The following ERICH1 variants were observed in gnomAD, a reference collection of about 807,000 sequenced individuals.
ERICH1 encodes glutamate rich 1.
Under a neutral mutation model 39.6 loss-of-function variants are expected in ERICH1, and 56 were observed. The observed-to-expected ratio is 1.41, with a 90% CI of 1.14 to 1.77. The LOEUF (loss-of-function observed/expected upper bound fraction) is 1.77. Ranked by LOEUF, ERICH1 falls within the 40% of genes most tolerant of loss-of-function variation. The pLI is 0.00. For missense variants in ERICH1, 826 were observed against 575.4 expected (o/e 1.44, Z -4.45); for synonymous variants, 313 against 223.6 (o/e 1.40, Z -3.57).
At chr8:685,391 A>C (rs1022687465) in intron 3 of ERICH1, among the ~76,000 whole-genome samples, 13 of 152,192 alleles carry the variant, frequency 8.5e-5, no homozygotes, top group Non-Finnish European at 4.4e-5. Flanking sequence ...TATTGTTCAA[A>C]CACACATGCT....
chr8:617,969 G>C (rs1199344460), intron 3 of ERICH1, among the ~76,000 whole-genome samples: 1 of 144,508 alleles, frequency 6.9e-6, no homozygotes, highest in Non-Finnish European at 1.5e-5. Context: ...TGAGTGCTGG[G>C]TGCTCAGTCT....
At chr8:660,917 G>C (rs1010892700), downstream of ERICH1, among the ~76,000 whole-genome samples, 46 of 152,164 alleles carry the variant, frequency 3.0e-4, no homozygotes, top group African/African-American at 1.1e-3. Flanking sequence ...TCCTCCGCTG[G>C]GTCCTGGGCG....
At chr8:699,682 T>TGCACAGACTCACACAGGC (rs1349500999) in intron 2 of ERICH1, among the ~76,000 whole-genome samples, 1 of 138,396 alleles carries the variant, frequency 7.2e-6, no homozygotes, top group Non-Finnish European at 1.6e-5. Context: ...CCCGCACACG[T>TGCACAGACTCACACAGGC]GCACAGACTC....
At chr8:666,172 A>G (rs1264066935) in intron 5 of ERICH1, 2 of 152,210 alleles carry the variant, frequency 1.3e-5, no homozygotes, top group East Asian at 1.9e-4. Context: ...TGATTTTAAT[A>G]TAAGAAACCA....
chr8:629,564 T>C (rs1345579254), intron 3 of ERICH1, among the ~76,000 whole-genome samples: 1 of 146,414 alleles, frequency 6.8e-6, no homozygotes, highest in African/African-American at 2.6e-5. Flanking sequence ...CGGACAGAGC[T>C]GACTCACACC....
intron 3 of ERICH1, among the ~76,000 whole-genome samples, chr8:622,983 T>G (rs991097254): frequency 6.6e-6 from 1 of 151,040 alleles, no homozygotes; most frequent in Non-Finnish European, 1.5e-5. Context: ...AATAAATAAA[T>G]AAAACATCAA....
At chr8:642,092 TG>T (rs1402715611) in intron 3 of ERICH1, among the ~76,000 whole-genome samples, 1 of 152,212 alleles carries the variant, frequency 6.6e-6, no homozygotes, top group African/African-American at 2.4e-5. Context: ...GGCCCAGAGA[TG>T]ATTTCACTTT....
At chr8:692,433 C>T (rs1461909493) in intron 3 of ERICH1, 45 bp downstream of exon 3, 4 of 1,612,364 alleles carry the variant, frequency 2.5e-6, no homozygotes, top group South Asian at 2.2e-5. Flanking sequence ...GAAATACGAG[C>T]TTATCTGCAA....
intron 3 of ERICH1, among the ~76,000 whole-genome samples, chr8:634,366 C>A (rs1042980971): frequency 3.3e-5 from 5 of 151,714 alleles, no homozygotes; most frequent in Non-Finnish European, 7.4e-5. Context: ...TTGGAACCCT[C>A]GTGCACTGTT....
rs774189143 is a variant in ERICH1, at chr8:673,947, T to G, written c.405A>C (p.Glu135Asp). The change falls in exon 4 of 6, where the codon GAA becomes GAC. Residue 135 changes from glutamate to aspartate, a missense_variant. Physicochemically the swap from Glu to Asp is conservative, Grantham distance 45. Coordinates refer to ENST00000262109, the MANE Select transcript of ERICH1 (RefSeq NM_207332.3). ...GTAACAGACTCTGCTGTTTCTCTAA[T>G]TCTGCTTGTTCTATAAGAACATTAT... ...NPNNVLIEQA[E>D]LEKQQSLLQE... 6.2e-7 allele frequency: 1 copy of G among 1,610,544 alleles called. No individual in the cohort carries two copies.
chr8:625,147 T>C (rs756871375), intron 3 of ERICH1, among the ~76,000 whole-genome samples: 1 of 152,160 alleles, frequency 6.6e-6, no homozygotes, highest in Non-Finnish European at 1.5e-5. Flanking sequence ...GAGATTACAA[T>C]TCTACATGAG....
intron 3 of ERICH1, among the ~76,000 whole-genome samples, chr8:685,410 A>T (rs887183629): frequency 6.6e-6 from 1 of 152,194 alleles, no homozygotes; most frequent in African/African-American, 2.4e-5. Context: ...CTTTACGAAC[A>T]ATTTGTGCAG....
rs139631603 is a variant in ERICH1, at chr8:683,834, G to C, written c.304+8644C>G. 3.9e-3 allele frequency among the ~76,000 whole-genome samples: 587 copies of C among 152,264 alleles called. 8 individuals carry two copies. Among genetic ancestry groups the C allele is most frequent in the African/African-American group, 0.013 (545 of 41,538 alleles). On this transcript the variant is annotated intron_variant, in intron 3 of 5. Transcript: ENST00000262109. ...CCGCTAAGCTAAACGTCTGCCTTCT[G>C]AATACTTACTAAACATGTGGCCAAA...
chr8:658,864 C>A (rs1703924), intron 3 of ERICH1, among the ~76,000 whole-genome samples: 66 of 152,160 alleles, frequency 4.3e-4, no homozygotes, highest in Non-Finnish European at 8.1e-4. Flanking sequence ...GGCTCCTCCC[C>A]AATTCCTCCC....
intron 3 of ERICH1, among the ~76,000 whole-genome samples, chr8:674,805 A>G (rs1212703831): frequency 6.6e-6 from 1 of 152,238 alleles, no homozygotes; most frequent in African/African-American, 2.4e-5. Context: ...ACACGAAGCT[A>G]AGCTGGACTC....
chr8:652,467 T>C (rs978323927), intron 3 of ERICH1, among the ~76,000 whole-genome samples: 3 of 152,192 alleles, frequency 2.0e-5, no homozygotes, highest in Non-Finnish European at 4.4e-5. Flanking sequence ...GGAGTTGATA[T>C]CACATAAAGT....
intron 2 of ERICH1, among the ~76,000 whole-genome samples, chr8:702,892 T>C (rs962829457): frequency 1.3e-5 from 2 of 152,142 alleles, no homozygotes; most frequent in Non-Finnish European, 2.9e-5. Flanking sequence ...CTGCTGAGGG[T>C]AGCAGTGGGT....
intron 3 of ERICH1, among the ~76,000 whole-genome samples, chr8:654,736 C>G (rs913352015): frequency 6.6e-6 from 1 of 152,148 alleles, no homozygotes; most frequent in African/African-American, 2.4e-5. Context: ...GATGTCCCCA[C>G]AAGGACTTGG....
chr8:635,321 G>A (rs1207381844), intron 3 of ERICH1, among the ~76,000 whole-genome samples: 1 of 152,120 alleles, frequency 6.6e-6, no homozygotes, highest in Non-Finnish European at 1.5e-5. Context: ...CCCCCACACG[G>A]GTTTATCCGG....
Sources: allele counts gnomAD v4.1 joint callset (sites outside exome capture counted in the v4.1 genomes callset), GRCh38; gene constraint gnomAD v4.1.1; transcripts MANE v1.5; gene names NCBI Gene and HGNC (gene_info 2026-07-23, HGNC 2026-07-21).